HPSE2: variants seen among roughly 807,000 people sequenced by gnomAD.
HPSE2 encodes inactive heparanase-2.
A neutral mutation model predicts 60.5 loss-of-function variants in HPSE2; 38 were observed. That is an observed-to-expected ratio of 0.63 (90% CI 0.48 to 0.82). The LOEUF (loss-of-function observed/expected upper bound fraction) is 0.82, where lower values mean the gene tolerates loss of function less well. Among genes scored for constraint, HPSE2 ranks in the 40% least tolerant of loss-of-function variants. HPSE2 has a pLI of 0.00. For missense variants in HPSE2, 713 were observed against 740.4 expected (o/e 0.96, Z 0.43); for synonymous variants, 295 against 293.2 (o/e 1.01, Z -0.06).
chr10:99,136,793 G>A (rs1243184815), intron 3 of HPSE2, among the ~76,000 whole-genome samples: 2 of 152,102 alleles, frequency 1.3e-5, no homozygotes, highest in African/African-American at 4.8e-5. Flanking sequence ...CATACTGAAT[G>A]GGCAAAAACT....
the HPSE2 span, among the ~76,000 whole-genome samples, chr10:99,261,136 C>T: frequency 2.0e-5 from 3 of 152,132 alleles, no homozygotes; most frequent in Non-Finnish European, 4.4e-5. Context: ...GCTCCCAATG[C>T]AATTCATCCC....
chr10:98,690,942 T>C (rs1194765349), intron 6 of HPSE2, among the ~76,000 whole-genome samples: 1 of 152,196 alleles, frequency 6.6e-6, no homozygotes, highest in Non-Finnish European at 1.5e-5. Flanking sequence ...ATTTGGGCTG[T>C]TCAAGCTCCA....
intron 2 of HPSE2, among the ~76,000 whole-genome samples, chr10:99,216,087 A>G (rs187747407): frequency 1.2e-4 from 18 of 152,180 alleles, no homozygotes; most frequent in Admixed American, 1.0e-3. Context: ...CATGCATGTA[A>G]TTGATGAGAA....
At chr10:98,811,725 T>G (rs1951172904) in intron 3 of HPSE2, among the ~76,000 whole-genome samples, 2 of 152,158 alleles carry the variant, frequency 1.3e-5, no homozygotes, top group Admixed American at 6.5e-5. Context: ...TCCTTCTGGA[T>G]TTTGAACGAG....
chr10:99,298,534 T>C, the HPSE2 span, among the ~76,000 whole-genome samples: 2 of 152,162 alleles, frequency 1.3e-5, no homozygotes, highest in Non-Finnish European at 2.9e-5. Context: ...ACTATGGCAA[T>C]AAAGTTTGGG....
the HPSE2 span, among the ~76,000 whole-genome samples, chr10:99,281,625 T>C: frequency 1.3e-5 from 2 of 152,172 alleles, no homozygotes; most frequent in Non-Finnish European, 2.9e-5. Flanking sequence ...GTTAAGTAAG[T>C]GAAAGAGCTT....
chr10:99,240,666 C>T (rs1299679184), upstream of HPSE2, among the ~76,000 whole-genome samples: 1 of 152,142 alleles, frequency 6.6e-6, no homozygotes, highest in Non-Finnish European at 1.5e-5. Context: ...CCCGCCTCGG[C>T]TTCCAAAAGT....
chr10:99,258,845 T>C, the HPSE2 span, among the ~76,000 whole-genome samples: 1 of 152,186 alleles, frequency 6.6e-6, no homozygotes, highest in Non-Finnish European at 1.5e-5. Context: ...CTTAGCACCA[T>C]ACATACAAAT....
At chr10:98,564,762 T>C (rs1313161474) in intron 9 of HPSE2, among the ~76,000 whole-genome samples, 1 of 152,236 alleles carries the variant, frequency 6.6e-6, no homozygotes, top group Non-Finnish European at 1.5e-5. Flanking sequence ...TTCTAAATCA[T>C]CTCAGCCAGA....
chr10:99,227,900 C>CAT (rs61242355), intron 2 of HPSE2, among the ~76,000 whole-genome samples: 20,218 of 139,834 alleles, frequency 0.14, 1,550 homozygotes, highest in East Asian at 0.27. Flanking sequence ...TGTGTATATA[C>CAT]ATATATATAT....
chr10:98,919,337 C>A (rs1954216125), intron 3 of HPSE2, among the ~76,000 whole-genome samples: 1 of 152,142 alleles, frequency 6.6e-6, no homozygotes, highest in African/African-American at 2.4e-5. Context: ...TAGATAAATT[C>A]ATGAAATGCC....
chr10:98,726,402 G>A (rs1267812633), intron 4 of HPSE2, among the ~76,000 whole-genome samples: 7 of 148,558 alleles, frequency 4.7e-5, no homozygotes, highest in Middle Eastern at 3.5e-3. Context: ...ACCAAATGCC[G>A]CATGTTCTCA....
In HPSE2 at chr10:99,171,435, G is replaced by A. The variant is rs376622501; in HGVS notation, c.449-27036C>T. Among the ~76,000 whole-genome samples the A allele has an allele frequency of 4.3e-3, 644 of 150,858 alleles. 4 individuals are homozygous for A. Among genetic ancestry groups the A allele is most frequent in the African/African-American group, 0.015 (615 of 41,204 alleles). ...CCATAAAGACAGAATTTAGATGTGG[G>A]AAAAAAAAAGACAGAGGTGCATGAA... On this transcript the variant is annotated intron_variant, in intron 2 of 11. Coordinates refer to ENST00000370552, the MANE Select transcript of HPSE2 (RefSeq NM_021828.5).
intron 2 of HPSE2, among the ~76,000 whole-genome samples, chr10:99,179,983 C>T (rs1847694412): frequency 6.6e-6 from 1 of 152,118 alleles, no homozygotes; most frequent in Non-Finnish European, 1.5e-5. Flanking sequence ...TGATCTTTGA[C>T]AAACCTGACA....
chr10:99,185,530 T>C (rs1157709151), intron 2 of HPSE2, among the ~76,000 whole-genome samples: 1 of 151,636 alleles, frequency 6.6e-6, no homozygotes, highest in Non-Finnish European at 1.5e-5. Flanking sequence ...ATTCCAGCAT[T>C]TTGGGAGGCT....
chr10:98,459,907 T>C (rs551288503), intron 11 of HPSE2, among the ~76,000 whole-genome samples, 168 bp from the exon 12 acceptor site: 1 of 140,522 alleles, frequency 7.1e-6, no homozygotes, highest in South Asian at 2.3e-4. Flanking sequence ...CTTTAATAAC[T>C]CATTCAAACA....
intron 10 of HPSE2, among the ~76,000 whole-genome samples, chr10:98,487,230 T>C (rs1941474666): frequency 6.6e-6 from 1 of 152,238 alleles, no homozygotes; most frequent in African/African-American, 2.4e-5. Context: ...GTCAGTGTCC[T>C]AATTTGTTAA....
At chr10:98,612,684 G>C (rs951408376) in intron 9 of HPSE2, among the ~76,000 whole-genome samples, 3 of 152,220 alleles carry the variant, frequency 2.0e-5, no homozygotes, top group African/African-American at 7.2e-5. Context: ...AGTGTTCAGA[G>C]CATTGTAGAT....
intron 3 of HPSE2, among the ~76,000 whole-genome samples, chr10:98,802,165 C>A (rs1303107009): frequency 6.6e-6 from 1 of 152,018 alleles, no homozygotes; most frequent in Non-Finnish European, 1.5e-5. Context: ...CTATCTCTCA[C>A]AAAAATAAAA....
Sources: allele counts gnomAD v4.1 joint callset (sites outside exome capture counted in the v4.1 genomes callset), GRCh38; gene constraint gnomAD v4.1.1; transcripts MANE v1.5; gene names NCBI Gene and HGNC (gene_info 2026-07-23, HGNC 2026-07-21).